Variants in PIK3CA observed in about 807,000 individuals in gnomAD.
The protein encoded by PIK3CA is phosphatidylinositol 4,5-bisphosphate 3-kinase catalytic subunit alpha isoform.
Under a neutral mutation model 138.2 loss-of-function variants are expected in PIK3CA, and 27 were observed. That is an observed-to-expected ratio of 0.20 (90% CI 0.14 to 0.27). The LOEUF (loss-of-function observed/expected upper bound fraction) is 0.27. Ranked by LOEUF, PIK3CA falls within the 10% of genes least tolerant of loss-of-function variation. The pLI is 1.00. For missense variants in PIK3CA, 544 were observed against 1,277.4 expected, an observed-to-expected ratio of 0.43 and a Z score of 8.75; for synonymous variants, 358 against 413.2, an observed-to-expected ratio of 0.87 and a Z score of 1.62.
chr3:179,209,023 A>AT (rs1169547912), intron 6 of PIK3CA, among the ~76,000 whole-genome samples: 4 of 140,152 alleles, frequency 2.9e-5, no homozygotes, highest in African/African-American at 1.1e-4. Context: ...TATTATGTAT[A>AT]TAGTATATTA....
chr3:179,169,712 A>G (rs549023937), intron 1 of PIK3CA, among the ~76,000 whole-genome samples: 82 of 152,306 alleles, frequency 5.4e-4, no homozygotes, highest in African/African-American at 1.8e-3. Context: ...AGGATTTAAT[A>G]CCTACTTAGG....
intron 1 of PIK3CA, among the ~76,000 whole-genome samples, chr3:179,183,682 T>C (rs1723905460): frequency 6.6e-6 from 1 of 152,214 alleles, no homozygotes; most frequent in Non-Finnish European, 1.5e-5. Context: ...ATTACTATAA[T>C]AGCTCCTAAG....
chr3:179,166,286 G>A (rs1472597031), intron 1 of PIK3CA, among the ~76,000 whole-genome samples: 1 of 152,108 alleles, frequency 6.6e-6, no homozygotes, highest in African/African-American at 2.4e-5. Context: ...TCTGGTTTTG[G>A]TCTTTACAGA....
intron 1 of PIK3CA, among the ~76,000 whole-genome samples, chr3:179,188,361 A>G (rs1307837954): frequency 6.6e-6 from 1 of 152,234 alleles, no homozygotes; most frequent in Non-Finnish European, 1.5e-5. Context: ...TTACCAGTGC[A>G]TGCCATTGGT....
chr3:179,215,042 T>C (rs1291244781), intron 9 of PIK3CA, among the ~76,000 whole-genome samples: 1 of 152,198 alleles, frequency 6.6e-6, no homozygotes, highest in Non-Finnish European at 1.5e-5. Flanking sequence ...TTGTTGGCTA[T>C]AGATAAACCA....
intron 1 of PIK3CA, among the ~76,000 whole-genome samples, chr3:179,197,251 C>T (rs181446499): frequency 2.6e-5 from 4 of 152,136 alleles, no homozygotes; most frequent in African/African-American, 9.6e-5. Context: ...GTTGGTCAGG[C>T]TGGTCTCAAA....
At chr3:179,233,929 G>T (rs1725272513) in intron 20 of PIK3CA, among the ~76,000 whole-genome samples, 165 bp from the exon 21 acceptor site, 1 of 152,086 alleles carries the variant, frequency 6.6e-6, no homozygotes, top group Admixed American at 6.6e-5. Flanking sequence ...ATTCTAGTGG[G>T]GTAAAGGGAA....
At chr3:179,200,781 C>T (rs1724390533) in intron 3 of PIK3CA, among the ~76,000 whole-genome samples, 1 of 152,064 alleles carries the variant, frequency 6.6e-6, no homozygotes, top group African/African-American at 2.4e-5. Context: ...TTTTTGGACT[C>T]CTGGCTTAAT....
At position 179,234,034 on chromosome 3, in the gene PIK3CA, G is replaced by A. The variant is rs1337220411; in HGVS notation, c.2937-60G>A. The A allele has an allele frequency of 8.0e-7, 1 of 1,250,022 alleles. No homozygotes were observed. Among genetic ancestry groups the A allele is most frequent in the East Asian group, 2.4e-5 (1 of 42,362 alleles). The allele number at this position is 1,250,022 out of a possible 1,614,324, so 77.4% of individuals were successfully genotyped here. On this transcript the variant is annotated intron_variant, in intron 20 of 20. Transcript: ENST00000263967. This position sits in a 1 kb window ranked among gnomAD's most constrained non-coding sequence, Gnocchi z 5.1. ...TCTAATTTTGTGACATTTGAGCAAA[G>A]ACCTGAAGGTATTAACATCATTTGC...
rs566733660 is a variant in PIK3CA at position 179,219,880 on chromosome 3, T to C, written c.1912-69T>C. ...TATTACCAGTAATATCCACTTTCTTTCTGAAAAAATTTTCTTTAGATCGGC... is the reference window on the plus strand; with the variant it reads ...TATTACCAGTAATATCCACTTTCTTCCTGAAAAAATTTTCTTTAGATCGGC... On this transcript the variant is annotated intron_variant, in intron 12 of 20. Coordinates refer to ENST00000263967, the MANE Select transcript of PIK3CA (RefSeq NM_006218.4). The surrounding 1 kb of genome is among the most constrained non-coding windows in gnomAD (Gnocchi z 4.2). The C allele has an allele frequency of 2.1e-5, 34 of 1,583,388 alleles. No individual in the cohort carries two copies. Among genetic ancestry groups the C allele is most frequent in the Non-Finnish European group, 2.7e-5 (32 of 1,170,012 alleles).
At chr3:179,209,458 T>C (rs1724652555) in intron 6 of PIK3CA, 137 bp from the exon 7 acceptor site, 1 of 510,324 alleles carries the variant, frequency 2.0e-6, no homozygotes, top group Admixed American at 3.4e-5. Context: ...TATGACCTTA[T>C]AAAGTGCCTT....
chr3:179,209,282 T>C (rs1045705818), intron 6 of PIK3CA, among the ~76,000 whole-genome samples: 12 of 151,974 alleles, frequency 7.9e-5, no homozygotes, highest in Admixed American at 1.3e-4. Context: ...CCCAATACTC[T>C]TAGTGTATGA....
intron 9 of PIK3CA, among the ~76,000 whole-genome samples, chr3:179,215,496 T>C (rs1724817149): frequency 6.6e-6 from 1 of 152,000 alleles, no homozygotes; most frequent in Admixed American, 6.6e-5. Context: ...ACTTCATCCA[T>C]ATTCATTATT....
At chr3:179,187,766 T>C (rs966800492) in intron 1 of PIK3CA, among the ~76,000 whole-genome samples, 2 of 151,020 alleles carry the variant, frequency 1.3e-5, no homozygotes, top group African/African-American at 4.9e-5. Context: ...GTCGCCCGAG[T>C]AGCTGGGACT....
At position 179,209,718 on chromosome 3, in the gene PIK3CA, G is replaced by T. The variant is rs2108399490; in HGVS notation, c.1251+18G>T. 2 of 1,438,114 alleles carry T rather than the reference G, an allele frequency of 1.4e-6. No homozygotes were observed. Among genetic ancestry groups the T allele is most frequent in the Non-Finnish European group, 1.9e-6 (2 of 1,034,566 alleles). 89.1% of individuals were successfully genotyped at this position (1,438,114 alleles called of 1,614,324 possible). ...CTAAAGAGGTAAAGTATTTCAGAAGGAACAATTATGTTTACCTTTAAAAAC... is the reference window on the plus strand; with the variant it reads ...CTAAAGAGGTAAAGTATTTCAGAAGTAACAATTATGTTTACCTTTAAAAAC... On this transcript the variant is annotated intron_variant, in intron 7 of 20. Transcript: ENST00000263967.
At position 179,237,923 on chromosome 3, in the gene PIK3CA, T is replaced by TAAG. The variant is rs1725362166; in HGVS notation, c.*3562_*3564dup. On this transcript the variant is annotated 3_prime_UTR_variant, in exon 21 of 21. Coordinates refer to ENST00000263967, the MANE Select transcript of PIK3CA (RefSeq NM_006218.4). ...GACCCACATACTCAAGAGTCCACCT[T>TAAG]AAGAAATTATTTTGATGTCCAAGAC... 1 of 210,460 alleles carries TAAG rather than the reference T, an allele frequency of 4.8e-6. No homozygotes were observed. Among genetic ancestry groups the TAAG allele is most frequent in the African/African-American group, 2.3e-5 (1 of 43,996 alleles). The allele number at this position is 210,460 out of a possible 1,614,324, so 13.0% of individuals were successfully genotyped here.
intron 15 of PIK3CA, among the ~76,000 whole-genome samples, chr3:179,224,428 C>T (rs1725036303): frequency 6.6e-6 from 1 of 151,836 alleles, no homozygotes; most frequent in Non-Finnish European, 1.5e-5. Flanking sequence ...ATTTCTGTTA[C>T]CATAGGATAA....
intron 1 of PIK3CA, among the ~76,000 whole-genome samples, chr3:179,185,810 T>G (rs1228046251): frequency 6.6e-6 from 1 of 152,150 alleles, no homozygotes; most frequent in Non-Finnish European, 1.5e-5. Context: ...TGGGAAGGGG[T>G]GTGGAGCTTC....
In PIK3CA at chr3:179,198,948, A is replaced by G; in HGVS notation, c.123A>G (p.Thr41=). 1 of 1,612,398 alleles carries G rather than the reference A, an allele frequency of 6.2e-7. No homozygotes were observed. Among genetic ancestry groups the G allele is most frequent in the South Asian group, 1.1e-5 (1 of 90,902 alleles). The change falls in exon 2 of 21, where the codon ACA becomes ACG. Residue 41 remains threonine (T), a synonymous_variant. Transcript: ENST00000263967. ...CTTTAGAATGCCTCCGTGAGGCTAC[A>G]TTAATAACCATAAAGCATGAACTAT... The part of the protein sequence containing the change: ...IVTLECLREA[T]LITIKHELFK...
Sources: allele counts gnomAD v4.1 joint callset (sites outside exome capture counted in the v4.1 genomes callset), GRCh38; gene constraint gnomAD v4.1.1; non-coding constraint Gnocchi (gnomAD v3.1); transcripts MANE v1.5; gene names NCBI Gene and HGNC (gene_info 2026-07-23, HGNC 2026-07-21).